FAM107B: variants seen among roughly 807,000 people sequenced by gnomAD.
The protein encoded by FAM107B is protein FAM107B.
Under a neutral mutation model 31.5 loss-of-function variants are expected in FAM107B, and 21 were observed. The ratio of observed to expected loss-of-function variants is 0.67; its 90% CI spans 0.47 to 0.96. The LOEUF (loss-of-function observed/expected upper bound fraction) is 0.96, where lower values mean the gene tolerates loss of function less well. Ranked by LOEUF, FAM107B falls within the 40% of genes least tolerant of loss-of-function variation. The probability of loss-of-function intolerance (pLI) is 0.00; values close to 1 mark genes in which losing one functional copy is unlikely to be tolerated. For synonymous variants in FAM107B, 157 were observed against 141.5 expected (o/e 1.11, Z -0.78); for missense variants, 452 against 377.1 (o/e 1.20, Z -1.64).
At chr10:14,554,967 G>A (rs930836730) in intron 2 of FAM107B, among the ~76,000 whole-genome samples, 4 of 152,290 alleles carry the variant, frequency 2.6e-5, no homozygotes, top group African/African-American at 9.6e-5. Flanking sequence ...GAGTATGCAA[G>A]CTCCTATGGT....
At chr10:14,742,533 G>C (rs570085850) in intron 1 of FAM107B, among the ~76,000 whole-genome samples, 78 of 152,188 alleles carry the variant, frequency 5.1e-4, no homozygotes, top group Non-Finnish European at 9.4e-4. Flanking sequence ...ACTGAAAGCA[G>C]TGTCTGGGGT....
intron 2 of FAM107B, among the ~76,000 whole-genome samples, chr10:14,635,013 C>G (rs1853460092): frequency 6.6e-6 from 1 of 151,802 alleles, no homozygotes; most frequent in Non-Finnish European, 1.5e-5. Context: ...CGCTTGAACC[C>G]CGGAGGCGGA....
At chr10:14,541,114 C>T (rs747629610) in intron 2 of FAM107B, among the ~76,000 whole-genome samples, 2 of 152,146 alleles carry the variant, frequency 1.3e-5, no homozygotes, top group South Asian at 2.1e-4. Context: ...CTTCCATAAA[C>T]GCATCTGAAA....
At chr10:14,525,549 A>T (rs1341584354) in intron 3 of FAM107B, among the ~76,000 whole-genome samples, 2 of 152,114 alleles carry the variant, frequency 1.3e-5, no homozygotes, top group Non-Finnish European at 2.9e-5. Flanking sequence ...CAAAGTAGAG[A>T]CCCTGTACCC....
chr10:14,615,182 A>T lies in FAM107B; in HGVS notation c.469+52452T>A, dbSNP rs540902889. On this transcript the variant is annotated intron_variant, in intron 2 of 4. Transcript: ENST00000181796. ...CATCTCTACTAAAAATACAAAAATT[A>T]GCTGGGCATGGTGGCATGTGCCTGT... 3.9e-5 allele frequency among the ~76,000 whole-genome samples: 6 copies of T among 152,232 alleles called. No individual in the cohort carries two copies. The South Asian group carries it at 1.2e-3, about 32-fold the overall frequency.
intron 2 of FAM107B, among the ~76,000 whole-genome samples, chr10:14,579,672 T>G (rs1208832730): frequency 6.6e-6 from 1 of 152,170 alleles, no homozygotes; most frequent in Non-Finnish European, 1.5e-5. Context: ...ATACCCCATA[T>G]TAGGAGATAA....
At chr10:14,643,208 G>C (rs4445543) in intron 2 of FAM107B, among the ~76,000 whole-genome samples, 4 of 151,920 alleles carry the variant, frequency 2.6e-5, no homozygotes, top group African/African-American at 7.3e-5. Flanking sequence ...TAGTGAGCTG[G>C]AGACTCAGTG....
intron 1 of FAM107B, among the ~76,000 whole-genome samples, chr10:14,741,411 T>C (rs896252512): frequency 1.3e-5 from 2 of 152,134 alleles, no homozygotes; most frequent in African/African-American, 4.8e-5. Context: ...CCCCGTGTTT[T>C]AGGCCAGAGA....
At chr10:14,670,992 G>C (rs550083364) in intron 1 of FAM107B, among the ~76,000 whole-genome samples, 11 of 152,294 alleles carry the variant, frequency 7.2e-5, no homozygotes, top group African/African-American at 2.4e-4. Flanking sequence ...AACTGTAGTA[G>C]ACATCTGTTG....
chr10:14,567,375 C>G (rs1054771367), intron 2 of FAM107B, among the ~76,000 whole-genome samples: 1 of 152,000 alleles, frequency 6.6e-6, no homozygotes, highest in Admixed American at 6.6e-5. Flanking sequence ...GATAATCTGC[C>G]GAGAGTGAAA....
intron 1 of FAM107B, among the ~76,000 whole-genome samples, chr10:14,738,201 G>A (rs1383599143): frequency 2.6e-5 from 4 of 152,190 alleles, no homozygotes; most frequent in Non-Finnish European, 5.9e-5. Context: ...TGACTGGATT[G>A]GAATCCAAAT....
intron 2 of FAM107B, among the ~76,000 whole-genome samples, chr10:14,643,948 G>T (rs141237369): frequency 1.1e-3 from 170 of 152,286 alleles, no homozygotes; most frequent in Admixed American, 2.6e-3. Context: ...ATCACTTTGG[G>T]CAAAGACATA....
At chr10:14,766,548 T>A (rs1833165319) in intron 1 of FAM107B, among the ~76,000 whole-genome samples, 1 of 152,024 alleles carries the variant, frequency 6.6e-6, no homozygotes, top group Non-Finnish European at 1.5e-5. Context: ...ACTGTAGGGA[T>A]TTGATTTTTA....
chr10:14,699,232 C>T (rs1407837008), intron 1 of FAM107B, among the ~76,000 whole-genome samples: 2 of 152,064 alleles, frequency 1.3e-5, no homozygotes, highest in African/African-American at 4.8e-5. Context: ...AACAAAGAAG[C>T]TATAGAGATA....
intron 2 of FAM107B, among the ~76,000 whole-genome samples, chr10:14,663,855 A>G (rs1854327339): frequency 7.9e-6 from 1 of 127,060 alleles, no homozygotes; most frequent in African/African-American, 2.9e-5. Flanking sequence ...CTCAGGATGA[A>G]GTGTCAGATG....
At chr10:14,619,148 G>A (rs1852929721) in intron 2 of FAM107B, among the ~76,000 whole-genome samples, 1 of 152,200 alleles carries the variant, frequency 6.6e-6, no homozygotes, top group Non-Finnish European at 1.5e-5. Flanking sequence ...TCCAACACTT[G>A]TAGCCACCAG....
At chr10:14,737,430 C>G (rs1336860072) in intron 1 of FAM107B, among the ~76,000 whole-genome samples, 1 of 151,932 alleles carries the variant, frequency 6.6e-6, no homozygotes, top group African/African-American at 2.4e-5. Context: ...CTGGGCAACA[C>G]AGTGAGACCC....
intron 2 of FAM107B, among the ~76,000 whole-genome samples, chr10:14,584,071 A>T (rs1482398381): frequency 6.6e-6 from 1 of 152,200 alleles, no homozygotes; most frequent in Non-Finnish European, 1.5e-5. Context: ...AGATGCTGAG[A>T]CATACTGGGT....
intron 1 of FAM107B, among the ~76,000 whole-genome samples, chr10:14,729,866 G>A (rs565459388): frequency 9.9e-5 from 15 of 152,278 alleles, no homozygotes; most frequent in African/African-American, 3.4e-4. Flanking sequence ...CCATAAAAAA[G>A]AATGAGTTCA....
Sources: allele counts gnomAD v4.1 joint callset (sites outside exome capture counted in the v4.1 genomes callset), GRCh38; gene constraint gnomAD v4.1.1; transcripts MANE v1.5; gene names NCBI Gene and HGNC (gene_info 2026-07-23, HGNC 2026-07-21).